The following GRB2 variants were observed in gnomAD, a reference collection of about 807,000 sequenced individuals.
The protein encoded by GRB2 is growth factor receptor bound protein 2, also known as growth factor receptor-bound protein 2.
Under a neutral mutation model 27.4 loss-of-function variants are expected in GRB2, and 2 were observed. The observed-to-expected ratio is 0.07, with a 90% CI of 0.03 to 0.23. The LOEUF is 0.23. GRB2 is among the 10% of genes least tolerant of loss of function. GRB2 has a pLI of 1.00. For missense variants in GRB2, 102 were observed against 282.4 expected (o/e 0.36, Z 4.58); for synonymous variants, 94 against 99.6 (o/e 0.94, Z 0.33).
At chr17:75,346,831 G>C (rs2078658575) in intron 2 of GRB2, among the ~76,000 whole-genome samples, 1 of 151,932 alleles carries the variant, frequency 6.6e-6, no homozygotes, top group Admixed American at 6.6e-5. Context: ...TCAAAGTGCT[G>C]GGATTACAGG....
intron 1 of GRB2, among the ~76,000 whole-genome samples, chr17:75,398,838 C>T (rs2079045619): frequency 6.6e-6 from 1 of 152,148 alleles, no homozygotes; most frequent in Non-Finnish European, 1.5e-5. Flanking sequence ...ACCTCCACCT[C>T]CTGGGTTCAA....
chr17:75,350,231 A>AGG (rs200149178), intron 2 of GRB2, among the ~76,000 whole-genome samples: 2 of 61,506 alleles, frequency 3.3e-5, no homozygotes, highest in African/African-American at 6.3e-5. Flanking sequence ...CTCATCTCTG[A>AGG]GGGGAAAAAA....
intron 2 of GRB2, among the ~76,000 whole-genome samples, chr17:75,340,843 C>A (rs1279867080): frequency 6.6e-6 from 1 of 152,138 alleles, no homozygotes; most frequent in East Asian, 1.9e-4. Flanking sequence ...ATGAAAAACA[C>A]CCACAGTGTA....
chr17:75,332,865 A>C, intron 2 of GRB2, 68 bp from the exon 3 acceptor site: 1 of 992,034 alleles, frequency 1.0e-6, no homozygotes, highest in Non-Finnish European at 1.6e-6. Flanking sequence ...TAGTTACAAG[A>C]CAATTATGCT....
intron 3 of GRB2, 99 bp from the exon 4 acceptor site, chr17:75,326,119 G>T: frequency 7.1e-7 from 1 of 1,406,530 alleles, no homozygotes; most frequent in Non-Finnish European, 9.9e-7. Flanking sequence ...CTTGCCAGAG[G>T]AAGGGGCCTC....
intron 2 of GRB2, among the ~76,000 whole-genome samples, chr17:75,386,533 G>A (rs1199179224): frequency 6.6e-6 from 1 of 152,174 alleles, no homozygotes; most frequent in Non-Finnish European, 1.5e-5. Flanking sequence ...ATGGGAAAGT[G>A]GTAACCATTT....
intron 1 of GRB2, among the ~76,000 whole-genome samples, chr17:75,401,640 A>G (rs1223501963): frequency 6.6e-6 from 1 of 152,204 alleles, no homozygotes; most frequent in Non-Finnish European, 1.5e-5. Context: ...CTTGGATTCA[A>G]ATGTCACTTT....
intron 3 of GRB2, among the ~76,000 whole-genome samples, chr17:75,328,727 A>C (rs1378449770): frequency 1.3e-5 from 2 of 152,148 alleles, no homozygotes; most frequent in Non-Finnish European, 2.9e-5. Context: ...TCACAAAGTC[A>C]GGAGATCGAG....
intron 2 of GRB2, among the ~76,000 whole-genome samples, chr17:75,382,669 G>T (rs1027313178): frequency 5.3e-5 from 8 of 151,942 alleles, no homozygotes; most frequent in Non-Finnish European, 8.8e-5. Flanking sequence ...AGTAAAGAAG[G>T]AAATACTAAG....
chr17:75,383,355 G>A (rs1302626496), intron 2 of GRB2, among the ~76,000 whole-genome samples: 2 of 152,188 alleles, frequency 1.3e-5, no homozygotes, highest in African/African-American at 4.8e-5. Context: ...CTCTGGGACA[G>A]GGCTGGAACA....
At chr17:75,388,737 T>C (rs2078980758) in intron 2 of GRB2, among the ~76,000 whole-genome samples, 1 of 152,024 alleles carries the variant, frequency 6.6e-6, no homozygotes, top group South Asian at 2.1e-4. Flanking sequence ...CGAGCATGCC[T>C]GGCTTTTTAT....
chr17:75,354,736 C>T (rs2078719807), intron 2 of GRB2, among the ~76,000 whole-genome samples: 1 of 152,066 alleles, frequency 6.6e-6, no homozygotes, highest in Non-Finnish European at 1.5e-5. Flanking sequence ...TTCAAACTTC[C>T]AGAAAGAGAA....
In GRB2 at chr17:75,359,584, A is replaced by G. The variant is rs149583225; in HGVS notation, c.79-26787T>C. 3.3e-5 allele frequency among the ~76,000 whole-genome samples: 5 copies of G among 152,054 alleles called. No homozygotes were observed. The East Asian group carries it at 5.8e-4, about 18-fold the overall frequency. On this transcript the variant is annotated intron_variant, in intron 2 of 5. Coordinates refer to ENST00000316804, the MANE Select transcript of GRB2 (RefSeq NM_002086.5). ...CACAGCACTGAACACAAAGCTCTCC[A>G]TGGCCCAGACCTTGCCTAACTCCCC...
rs148454076 is a variant in GRB2 at position 75,336,528 on chromosome 17, A to T, written c.79-3731T>A. The stretch of plus-strand genomic sequence containing the variant: ...ACCTGCCAGGAGTTCATAGAGCTAC[A>T]CTCTCTTCTTGTCACCTTTACCAAG... On this transcript the variant is annotated intron_variant, in intron 2 of 5. Coordinates refer to ENST00000316804, the MANE Select transcript of GRB2 (RefSeq NM_002086.5). Among the ~76,000 whole-genome samples the T allele has an allele frequency of 3.8e-4, 58 of 152,142 alleles. 1 individual carries two copies. The East Asian group carries it at 0.01, about 27-fold the overall frequency.
intron 2 of GRB2, among the ~76,000 whole-genome samples, chr17:75,377,959 G>C (rs1310519270): frequency 6.6e-6 from 1 of 152,144 alleles, no homozygotes; most frequent in East Asian, 1.9e-4. Context: ...CTTTCACCTT[G>C]TGACAGACTT....
At chr17:75,368,705 C>T (rs1364327490) in intron 2 of GRB2, among the ~76,000 whole-genome samples, 3 of 151,796 alleles carry the variant, frequency 2.0e-5, no homozygotes, top group Non-Finnish European at 4.4e-5. Flanking sequence ...CAACCATGCC[C>T]GGCTCATTTT....
intron 2 of GRB2, among the ~76,000 whole-genome samples, chr17:75,355,189 G>A (rs1053917399): frequency 4.6e-5 from 7 of 152,160 alleles, no homozygotes; most frequent in Non-Finnish European, 1.0e-4. Context: ...CTTCTTGCCT[G>A]CTCAAGGACA....
chr17:75,346,655 T>C (rs1215026569), intron 2 of GRB2, among the ~76,000 whole-genome samples: 3 of 136,632 alleles, frequency 2.2e-5, no homozygotes, highest in African/African-American at 8.1e-5. Flanking sequence ...CAATCCTGGC[T>C]CACTGCAACC....
chr17:75,358,229 T>C (rs1259539459), intron 2 of GRB2, among the ~76,000 whole-genome samples: 2 of 152,170 alleles, frequency 1.3e-5, no homozygotes, highest in Non-Finnish European at 2.9e-5. Flanking sequence ...TAAATAAATA[T>C]TTAAACCAAA....
Sources: gnomAD v4.1 joint callset for allele counts (sites outside exome capture counted in the v4.1 genomes callset) on GRCh38, gnomAD v4.1.1 for gene constraint, MANE v1.5 for transcripts, NCBI Gene and HGNC (gene_info 2026-07-23, HGNC 2026-07-21) for gene names.